The following RNF217 variants were observed in gnomAD, a reference collection of about 807,000 sequenced individuals.
RNF217 encodes ring finger protein 217, also known as E3 ubiquitin-protein ligase RNF217.
In RNF217, 31 loss-of-function variants were observed where a neutral mutation model predicts 57.8. That is an observed-to-expected ratio of 0.54 (90% CI 0.40 to 0.72). The LOEUF (loss-of-function observed/expected upper bound fraction) is 0.72, where lower values mean the gene tolerates loss of function less well. Among genes scored for constraint, RNF217 ranks in the 30% least tolerant of loss-of-function variants. The pLI is 0.00. For synonymous variants in RNF217, 313 were observed against 294.0 expected, an observed-to-expected ratio of 1.06 and a Z score of -0.66; for missense variants, 696 against 708.3, an observed-to-expected ratio of 0.98 and a Z score of 0.20.
At chr6:124,990,672 G>A (rs1339692177) in intron 1 of RNF217, among the ~76,000 whole-genome samples, 1 of 152,060 alleles carries the variant, frequency 6.6e-6, no homozygotes, top group Non-Finnish European at 1.5e-5. Context: ...CATTTCCCCT[G>A]CTACCACTGT....
chr6:125,070,666 G>T (rs903032199), intron 3 of RNF217, among the ~76,000 whole-genome samples: 6 of 152,104 alleles, frequency 3.9e-5, no homozygotes, highest in Admixed American at 1.3e-4. Context: ...GTCTATTCAT[G>T]TCCTTTGTCC....
intron 1 of RNF217, among the ~76,000 whole-genome samples, chr6:124,989,605 G>A (rs775761183): frequency 5.4e-5 from 8 of 148,338 alleles, no homozygotes; most frequent in Non-Finnish European, 1.0e-4. Context: ...GCATGGCTAT[G>A]TTCCAATAAA....
chr6:125,088,854 A>T lies in RNF217; in HGVS notation c.*5917A>T, dbSNP rs1788853686. ...GTCACTCTATTCCATTATTAATACTAAATGACTTTCCTTGTGAAATGATAC... is the reference window on the plus strand; with the variant it reads ...GTCACTCTATTCCATTATTAATACTTAATGACTTTCCTTGTGAAATGATAC... On this transcript the variant is annotated 3_prime_UTR_variant, in exon 6 of 6. Transcript: ENST00000521654. The T allele has an allele frequency of 6.6e-6, 1 of 152,578 alleles. No individual in the cohort carries two copies. The highest frequency in any genetic ancestry group is 2.1e-4 in the South Asian group (1 of 4,828). 9.5% of individuals were successfully genotyped at this position (152,578 alleles called of 1,614,324 possible). A position where few individuals can be genotyped will look rare whatever the true frequency, so the allele number is the denominator to read the frequency against.
chr6:125,068,648 G>C lies in RNF217; in HGVS notation c.1282-8009G>C, dbSNP rs547010308. On this transcript the variant is annotated intron_variant, in intron 3 of 5. Coordinates refer to ENST00000521654, the MANE Select transcript of RNF217 (RefSeq NM_001286398.3). ...TGCATATATATTTGTTTATACAGTTGGTTAATGTCTGTATACATGTATAAG... is the reference window on the plus strand; with the variant it reads ...TGCATATATATTTGTTTATACAGTTCGTTAATGTCTGTATACATGTATAAG... Among the ~76,000 whole-genome samples, 14 of 152,230 alleles carry C rather than the reference G, an allele frequency of 9.2e-5. No individual in the cohort carries two copies. The South Asian group carries it at 2.9e-3, about 32-fold the overall frequency.
intron 1 of RNF217, among the ~76,000 whole-genome samples, chr6:125,024,680 A>G (rs557655786): frequency 3.4e-5 from 5 of 148,898 alleles, no homozygotes; most frequent in Non-Finnish European, 5.9e-5. Context: ...AGATCATGCC[A>G]CTGCACTCCA....
At position 124,962,448 on chromosome 6, in the gene RNF217, C is replaced by T; in HGVS notation, c.-97C>T. 2.4e-6 allele frequency: 1 copy of T among 423,314 alleles called. No individual in the cohort carries two copies. The highest frequency in any genetic ancestry group is 3.4e-6 in the Non-Finnish European group (1 of 290,958). 26.2% of individuals were successfully genotyped at this position (423,314 alleles called of 1,614,324 possible). A position where few individuals can be genotyped will look rare whatever the true frequency, so the allele number is the denominator to read the frequency against. On this transcript the variant is annotated 5_prime_UTR_variant, in exon 1 of 6. Transcript: ENST00000521654. This position sits in a 1 kb window ranked among gnomAD's most constrained non-coding sequence, Gnocchi z 4.6. ...AAGGACCCGGAAGCAGAAGCGGAGC[C>T]GCGAGTCGAGCCGAGCCACTGCCCC...
chr6:125,046,166 G>A (rs985506884), intron 2 of RNF217, among the ~76,000 whole-genome samples: 14 of 152,206 alleles, frequency 9.2e-5, no homozygotes, highest in Non-Finnish European at 1.0e-4. Flanking sequence ...CACGGCCCCC[G>A]AGGCTAAGGC....
intron 2 of RNF217, among the ~76,000 whole-genome samples, chr6:125,050,827 T>A (rs2114557769): frequency 6.6e-6 from 1 of 151,860 alleles, no homozygotes; most frequent in Middle Eastern, 3.4e-3. Flanking sequence ...CTCTTGGGAT[T>A]AATGTATCAC....
Position 124,989,191 on chromosome 6 carries a change from T to G in RNF217, c.882+25765T>G, listed in dbSNP as rs567194512. 2.0e-5 allele frequency among the ~76,000 whole-genome samples: 3 copies of G among 152,306 alleles called. No individual in the cohort carries two copies. In the East Asian group the frequency reaches 5.8e-4, roughly 29 times the overall value. On this transcript the variant is annotated intron_variant, in intron 1 of 5. Coordinates refer to ENST00000521654, the MANE Select transcript of RNF217 (RefSeq NM_001286398.3). The stretch of plus-strand genomic sequence containing the variant: ...TATTTTTTAAACCGTCACTTTACTT[T>G]TAGTTGGCAATATTTTGATGAGCGC...
At chr6:124,984,112 A>G (rs1784279094) in intron 1 of RNF217, among the ~76,000 whole-genome samples, 1 of 152,210 alleles carries the variant, frequency 6.6e-6, no homozygotes, top group Non-Finnish European at 1.5e-5. Flanking sequence ...GGGAGAAGCA[A>G]ACATTCACAC....
intron 1 of RNF217, among the ~76,000 whole-genome samples, chr6:125,019,781 C>T (rs1785753645): frequency 6.6e-6 from 1 of 151,082 alleles, no homozygotes; most frequent in Non-Finnish European, 1.5e-5. Context: ...AGCCCTTGGC[C>T]TCCTGGATTC....
At chr6:124,995,962 A>G (rs535660938) in intron 1 of RNF217, among the ~76,000 whole-genome samples, 1 of 151,862 alleles carries the variant, frequency 6.6e-6, no homozygotes, top group East Asian at 1.9e-4. Context: ...CATTTGGAAT[A>G]TTTCTGGGTT....
intron 1 of RNF217, among the ~76,000 whole-genome samples, chr6:125,012,176 A>T (rs2114361553): frequency 6.6e-6 from 1 of 152,290 alleles, no homozygotes; most frequent in African/African-American, 2.4e-5. Context: ...AATAGGAAGG[A>T]ATTGAAGCAC....
At chr6:125,053,150 C>T (rs914790956) in intron 2 of RNF217, among the ~76,000 whole-genome samples, 17 of 152,110 alleles carry the variant, frequency 1.1e-4, no homozygotes, top group Non-Finnish European at 1.5e-4. Context: ...TCTCTCTGAA[C>T]GCTTATGTTC....
chr6:125,062,742 A>G (rs953462428), intron 3 of RNF217, among the ~76,000 whole-genome samples: 6 of 151,976 alleles, frequency 3.9e-5, no homozygotes, highest in African/African-American at 1.4e-4. Context: ...ATGCCCGGCT[A>G]ATTTTTGTAT....
intron 5 of RNF217, 162 bp from the exon 6 acceptor site, chr6:125,082,702 A>T: frequency 7.6e-7 from 1 of 1,308,752 alleles, no homozygotes; most frequent in East Asian, 2.3e-5. Flanking sequence ...CTAAAGGGAA[A>T]TATTAAAGAA....
rs999041132 is a variant in RNF217 at position 125,091,902 on chromosome 6, C to T, written c.*8965C>T. ...TTATTTTGCTCTTCTTGATCTGTGC[C>T]TTTTGTTTTAGCTTTATACAAAATG... On this transcript the variant is annotated 3_prime_UTR_variant, in exon 6 of 6. Transcript: ENST00000521654. 6.6e-6 allele frequency: 1 copy of T among 152,060 alleles called. No homozygotes were observed. Among genetic ancestry groups the T allele is most frequent in the African/African-American group, 2.4e-5 (1 of 41,406 alleles). 9.4% of individuals were successfully genotyped at this position (152,060 alleles called of 1,614,324 possible). A position where few individuals can be genotyped will look rare whatever the true frequency, so the allele number is the denominator to read the frequency against.
intron 1 of RNF217, among the ~76,000 whole-genome samples, chr6:125,024,505 C>T (rs1360768393): frequency 6.6e-6 from 1 of 151,612 alleles, no homozygotes; most frequent in East Asian, 2.0e-4. Flanking sequence ...ATCACCTGAG[C>T]TCAGGAGTTC....
intron 1 of RNF217, among the ~76,000 whole-genome samples, chr6:125,010,484 T>C (rs1361031719): frequency 6.6e-6 from 1 of 152,200 alleles, no homozygotes; most frequent in African/African-American, 2.4e-5. Flanking sequence ...GAGCATTGTG[T>C]TTGGCAGATT....
Sources: gnomAD v4.1 joint callset for allele counts (sites outside exome capture counted in the v4.1 genomes callset) on GRCh38, gnomAD v4.1.1 for gene constraint, Gnocchi (gnomAD v3.1) non-coding constraint, MANE v1.5 for transcripts, NCBI Gene and HGNC (gene_info 2026-07-23, HGNC 2026-07-21) for gene names.